Variants in NIPAL2 observed in about 807,000 individuals in gnomAD.
NIPAL2 encodes the protein NIPA-like protein 2.
NIPAL2 carries 43 observed loss-of-function variants against 48.9 expected under a neutral mutation model. That is an observed-to-expected ratio of 0.88 (90% confidence interval 0.69 to 1.13). The LOEUF (loss-of-function observed/expected upper bound fraction) is 1.13, where lower values mean the gene tolerates loss of function less well. Among genes scored for constraint, NIPAL2 ranks in the 50% most tolerant of loss-of-function variants. The probability of loss-of-function intolerance (pLI) is 0.00; values close to 1 mark genes in which losing one functional copy is unlikely to be tolerated. For synonymous variants in NIPAL2, 167 were observed against 174.6 expected (o/e 0.96, Z 0.34); for missense variants, 446 against 461.4 (o/e 0.97, Z 0.31).
At chr8:98,244,202 C>CA (rs56131567) in intron 3 of NIPAL2, among the ~76,000 whole-genome samples, 41,115 of 103,948 alleles carry the variant, frequency 0.4, 7,377 homozygotes, top group Middle Eastern at 0.46. Flanking sequence ...CCTCTGAAGA[C>CA]AAAAAAAAAA....
intron 3 of NIPAL2, among the ~76,000 whole-genome samples, chr8:98,244,586 G>GAGGGTGGGCTGTGGTGATGAT (rs1813197665): frequency 1.5e-5 from 1 of 67,958 alleles, no homozygotes. Flanking sequence ...GTGGTGATGA[G>GAGGGTGGGCTGTGGTGATGAT]AGGGTGGGCT....
rs79503152 is a variant in NIPAL2, at chr8:98,267,744, A to T, written c.136-13657T>A. Among the ~76,000 whole-genome samples, 487 of 152,260 alleles carry T rather than the reference A, an allele frequency of 3.2e-3. 1 individual carries two copies. The highest frequency in any genetic ancestry group is 0.011 in the African/African-American group (454 of 41,546). On this transcript the variant is annotated intron_variant, in intron 1 of 10. Coordinates refer to ENST00000430223, the MANE Select transcript of NIPAL2 (RefSeq NM_001321635.2). ...ATTTCCTTTCTTACCATTTCCCCAT[A>T]AGCTTATGGGTTATTATAAAATTTA... is the stretch of plus-strand genomic sequence containing the variant.
intron 6 of NIPAL2, among the ~76,000 whole-genome samples, chr8:98,210,648 G>T (rs186403559): frequency 7.5e-4 from 114 of 152,172 alleles, no homozygotes; most frequent in Non-Finnish European, 1.3e-3. Flanking sequence ...CTTTATATGG[G>T]TTTCTGTCTA....
intron 1 of NIPAL2, among the ~76,000 whole-genome samples, chr8:98,280,250 G>A (rs1815720244): frequency 6.6e-6 from 1 of 152,186 alleles, no homozygotes; most frequent in Non-Finnish European, 1.5e-5. Context: ...TCAGATCCCA[G>A]TGGAGCTAGT....
At chr8:98,283,300 A>G (rs1007161320) in intron 1 of NIPAL2, among the ~76,000 whole-genome samples, 1 of 152,228 alleles carries the variant, frequency 6.6e-6, no homozygotes, top group African/African-American at 2.4e-5. Flanking sequence ...AAATTTATGG[A>G]AAAAGCAATA....
chr8:98,288,852 G>A (rs956981137), intron 1 of NIPAL2, among the ~76,000 whole-genome samples: 10 of 152,230 alleles, frequency 6.6e-5, no homozygotes, highest in Admixed American at 5.9e-4. Flanking sequence ...ATCAAGAATA[G>A]AAATTGGGTC....
chr8:98,231,389 T>C (rs1253368893), intron 4 of NIPAL2, among the ~76,000 whole-genome samples: 1 of 152,176 alleles, frequency 6.6e-6, no homozygotes, highest in East Asian at 1.9e-4. Context: ...AGCTGACTTC[T>C]GGTGTGGGAA....
intron 8 of NIPAL2, among the ~76,000 whole-genome samples, chr8:98,199,251 C>T (rs906835008): frequency 2.0e-5 from 3 of 152,066 alleles, no homozygotes; most frequent in African/African-American, 4.8e-5. Flanking sequence ...ACACTGCACC[C>T]GGCCCAAAAA....
intron 1 of NIPAL2, among the ~76,000 whole-genome samples, chr8:98,255,991 T>C (rs1273949036): frequency 6.6e-6 from 1 of 152,124 alleles, no homozygotes. Context: ...AAAAAATAGA[T>C]AAATTGTACT....
chr8:98,282,067 GA>G (rs1251284671), intron 1 of NIPAL2, among the ~76,000 whole-genome samples: 1 of 152,202 alleles, frequency 6.6e-6, no homozygotes, highest in Non-Finnish European at 1.5e-5. Flanking sequence ...TTGGGATCTA[GA>G]TGCAGATATC....
chr8:98,236,101 A>G, intron 4 of NIPAL2, 54 bp downstream of exon 4: 1 of 1,247,796 alleles, frequency 8.0e-7, no homozygotes, highest in East Asian at 2.4e-5. Flanking sequence ...GGATTGTATT[A>G]TTTATTTCCT....
intron 1 of NIPAL2, among the ~76,000 whole-genome samples, chr8:98,292,759 A>G (rs1160753447): frequency 2.7e-5 from 4 of 150,592 alleles, no homozygotes; most frequent in African/African-American, 7.4e-5. Flanking sequence ...GAGGGGATAG[A>G]TAACTCATTC....
intron 1 of NIPAL2, among the ~76,000 whole-genome samples, chr8:98,280,688 G>A (rs1452358192): frequency 6.9e-6 from 1 of 145,110 alleles, no homozygotes; most frequent in Non-Finnish European, 1.5e-5. Context: ...TAAGCATTTA[G>A]GGGTAAAGAT....
intron 1 of NIPAL2, among the ~76,000 whole-genome samples, chr8:98,272,767 A>G (rs1157432572): frequency 3.3e-5 from 5 of 152,148 alleles, no homozygotes; most frequent in Admixed American, 6.5e-5. Context: ...GACGCGTGGC[A>G]CAATGCCTGG....
chr8:98,205,394 T>C, intron 6 of NIPAL2, 148 bp from the exon 7 acceptor site: 1 of 731,186 alleles, frequency 1.4e-6, no homozygotes, highest in Non-Finnish European at 2.2e-6. Flanking sequence ...GGATGTGACA[T>C]TAGTAAGCAG....
chr8:98,249,543 GTA>G (rs1355482489), intron 3 of NIPAL2, among the ~76,000 whole-genome samples: 4 of 149,670 alleles, frequency 2.7e-5, no homozygotes, highest in Non-Finnish European at 4.4e-5. Flanking sequence ...CATATGACAT[GTA>G]TACTTTAATT....
intron 5 of NIPAL2, among the ~76,000 whole-genome samples, chr8:98,216,293 G>A (rs923272132): frequency 2.6e-5 from 4 of 152,118 alleles, no homozygotes; most frequent in Non-Finnish European, 5.9e-5. Context: ...CAAGTTCCTG[G>A]GCCTTCTCCA....
chr8:98,217,093 T>G (rs1488689932), intron 5 of NIPAL2: 9 of 985,350 alleles, frequency 9.1e-6, no homozygotes, highest in African/African-American at 1.7e-5. Flanking sequence ...GGATGGGGAT[T>G]GCCCATCTGC....
At chr8:98,228,238 G>A (rs981907753) in intron 4 of NIPAL2, among the ~76,000 whole-genome samples, 5 of 152,206 alleles carry the variant, frequency 3.3e-5, no homozygotes, top group African/African-American at 9.6e-5. Flanking sequence ...TGCTTTTTTC[G>A]TGTGTAGATA....
Sources: gnomAD v4.1 joint callset for allele counts (sites outside exome capture counted in the v4.1 genomes callset) on GRCh38, gnomAD v4.1.1 for gene constraint, MANE v1.5 for transcripts, NCBI Gene and HGNC (gene_info 2026-07-23, HGNC 2026-07-21) for gene names.